The following CNTN1 variants were observed in gnomAD, a reference collection of about 807,000 sequenced individuals.
CNTN1 encodes contactin-1.
In CNTN1, 38 loss-of-function variants were observed where a neutral mutation model predicts 126.4. The ratio of observed to expected loss-of-function variants is 0.30; its 90% CI spans 0.23 to 0.39. The LOEUF is 0.39. Ranked by LOEUF, CNTN1 falls within the 10% of genes least tolerant of loss-of-function variation. The pLI, the probability that CNTN1 is intolerant of heterozygous loss-of-function variation, is 1.00. For synonymous variants in CNTN1, 413 were observed against 422.6 expected (o/e 0.98, Z 0.28); for missense variants, 1,009 against 1,248.4 (o/e 0.81, Z 2.89).
At chr12:40,776,127 T>A (rs1026649576) in intron 1 of CNTN1, among the ~76,000 whole-genome samples, 1 of 151,786 alleles carries the variant, frequency 6.6e-6, no homozygotes, top group Admixed American at 6.6e-5. Context: ...TTCCTTTGTT[T>A]TAAATTTCTA....
At chr12:40,831,096 T>G (rs575676387) in intron 1 of CNTN1, among the ~76,000 whole-genome samples, 70 of 146,036 alleles carry the variant, frequency 4.8e-4, no homozygotes, top group African/African-American at 1.7e-3. Flanking sequence ...CTATATATAC[T>G]ATACATATAT....
intron 1 of CNTN1, among the ~76,000 whole-genome samples, chr12:40,705,476 G>GT (rs373615541): frequency 3.9e-4 from 58 of 148,968 alleles, no homozygotes; most frequent in South Asian, 1.1e-3. Flanking sequence ...TCAGATCACA[G>GT]TTTTTTTTTT....
chr12:40,703,788 T>C (rs1021211535), intron 1 of CNTN1, among the ~76,000 whole-genome samples: 1 of 46,796 alleles, frequency 2.1e-5, no homozygotes, highest in Non-Finnish European at 4.2e-5. Context: ...ATTTATATTG[T>C]TGGTGAGAGG....
intron 17 of CNTN1, among the ~76,000 whole-genome samples, chr12:41,001,505 G>C (rs1484648169): frequency 6.6e-6 from 1 of 151,996 alleles, no homozygotes; most frequent in Non-Finnish European, 1.5e-5. Flanking sequence ...TTAGACTTTT[G>C]TCAGATGATT....
At position 40,939,331 on chromosome 12, in the gene CNTN1, T is replaced by G; in HGVS notation, c.1229-4T>G. The G allele has an allele frequency of 6.2e-7, 1 of 1,613,708 alleles. No homozygotes were observed. Among genetic ancestry groups the G allele is most frequent in the Non-Finnish European group, 8.5e-7 (1 of 1,179,838 alleles). ...AGAAAGATAACAATTTGTTTTCTTT[T>G]TAGCGTTGGCTCCAACTTTTGAAAT... On this transcript the variant is annotated splice_polypyrimidine_tract_variant and splice_region_variant and intron_variant, in intron 11 of 23. Transcript: ENST00000551295.
intron 1 of CNTN1, among the ~76,000 whole-genome samples, chr12:40,799,466 T>C (rs1488115927): frequency 6.6e-6 from 1 of 152,004 alleles, no homozygotes; most frequent in Non-Finnish European, 1.5e-5. Context: ...AAAATTGATA[T>C]AAAAATTAGC....
intron 6 of CNTN1, among the ~76,000 whole-genome samples, chr12:40,927,482 G>A (rs757815618): frequency 1.3e-5 from 2 of 151,908 alleles, no homozygotes; most frequent in African/African-American, 2.4e-5. Context: ...TCTGCCTCCC[G>A]TTTGCTGTAT....
chr12:40,778,930 G>C (rs1432618732), intron 1 of CNTN1, among the ~76,000 whole-genome samples: 1 of 151,680 alleles, frequency 6.6e-6, no homozygotes, highest in Non-Finnish European at 1.5e-5. Context: ...AATTCCATGA[G>C]TGCCTACTTC....
chr12:41,006,136 T>C (rs191195287), intron 17 of CNTN1, among the ~76,000 whole-genome samples: 5 of 152,284 alleles, frequency 3.3e-5, no homozygotes, highest in Admixed American at 2.0e-4. Flanking sequence ...TTGATTGTGG[T>C]ATAAGGTAGA....
intron 1 of CNTN1, among the ~76,000 whole-genome samples, chr12:40,709,591 C>T (rs1428912492): frequency 1.3e-5 from 2 of 152,182 alleles, no homozygotes; most frequent in South Asian, 2.1e-4. Context: ...AAGGCTGTTT[C>T]GTTTACGTTG....
At chr12:40,962,212 T>A (rs1031569456) in intron 15 of CNTN1, among the ~76,000 whole-genome samples, 10 of 152,096 alleles carry the variant, frequency 6.6e-5, no homozygotes, top group Admixed American at 2.6e-4. Flanking sequence ...AGGAAATGAA[T>A]ACATAGTAAG....
chr12:41,019,144 G>A (rs775559548), intron 19 of CNTN1, among the ~76,000 whole-genome samples: 8 of 152,072 alleles, frequency 5.3e-5, no homozygotes, highest in Non-Finnish European at 1.0e-4. Context: ...CAACAAGAGC[G>A]AAACTCCATC....
At chr12:40,733,683 A>G (rs972657177) in intron 1 of CNTN1, among the ~76,000 whole-genome samples, 3 of 152,062 alleles carry the variant, frequency 2.0e-5, no homozygotes, top group Admixed American at 1.3e-4. Flanking sequence ...TATATAATAC[A>G]TTCTAAATAT....
At chr12:40,948,258 C>CTTTTTTTTTTTTTT (rs58087551) in intron 14 of CNTN1, among the ~76,000 whole-genome samples, 1 of 62,682 alleles carries the variant, frequency 1.6e-5, no homozygotes, top group Non-Finnish European at 2.8e-5. Context: ...TTCTTTCTTT[C>CTTTTTTTTTTTTTT]TTTTTTTTTT....
intron 1 of CNTN1, among the ~76,000 whole-genome samples, chr12:40,875,023 G>C (rs1025328290): frequency 6.6e-6 from 1 of 152,134 alleles, no homozygotes; most frequent in Middle Eastern, 3.4e-3. Flanking sequence ...ATGTGCCTTT[G>C]GGCACACGTA....
At chr12:41,008,234 G>A (rs1009448222) in intron 17 of CNTN1, among the ~76,000 whole-genome samples, 7 of 152,152 alleles carry the variant, frequency 4.6e-5, no homozygotes, top group African/African-American at 1.7e-4. Flanking sequence ...GAGAAGAGAT[G>A]AATGTTAGTT....
intron 1 of CNTN1, among the ~76,000 whole-genome samples, chr12:40,830,992 C>A (rs1941812975): frequency 3.0e-5 from 4 of 133,758 alleles, no homozygotes; most frequent in East Asian, 2.1e-4. Flanking sequence ...ATATATGAAA[C>A]ATATATACTA....
intron 1 of CNTN1, among the ~76,000 whole-genome samples, chr12:40,760,588 G>C (rs1489841929): frequency 6.6e-6 from 1 of 151,788 alleles, no homozygotes; most frequent in Non-Finnish European, 1.5e-5. Flanking sequence ...CCAGTGACTG[G>C]ATACACATTT....
intron 3 of CNTN1, among the ~76,000 whole-genome samples, chr12:40,918,107 C>T (rs1465357365): frequency 6.6e-6 from 1 of 152,122 alleles, no homozygotes; most frequent in African/African-American, 2.4e-5. Flanking sequence ...AAGACGTAGC[C>T]ACCTGTTCTC....
Sources: gnomAD v4.1 joint callset for allele counts (sites outside exome capture counted in the v4.1 genomes callset) on GRCh38, gnomAD v4.1.1 for gene constraint, MANE v1.5 for transcripts, NCBI Gene and HGNC (gene_info 2026-07-23, HGNC 2026-07-21) for gene names.